FAM107B: variants seen among roughly 807,000 people sequenced by gnomAD.
FAM107B encodes the protein family with sequence similarity 107 member B.
A neutral mutation model predicts 31.5 loss-of-function variants in FAM107B; 21 were observed. The observed-to-expected ratio is 0.67, with a 90% CI of 0.47 to 0.96. The LOEUF is 0.96. FAM107B is among the 40% of genes least tolerant of loss of function. The probability of loss-of-function intolerance (pLI) is 0.00; values close to 1 mark genes in which losing one functional copy is unlikely to be tolerated. For missense variants in FAM107B, 452 were observed against 377.1 expected (o/e 1.20, Z -1.64); for synonymous variants, 157 against 141.5 (o/e 1.11, Z -0.78).
At chr10:14,691,699 C>T (rs1244632516) in intron 1 of FAM107B, among the ~76,000 whole-genome samples, 1 of 151,966 alleles carries the variant, frequency 6.6e-6, no homozygotes, top group East Asian at 1.9e-4. Flanking sequence ...TTTGAGACAG[C>T]CTGGCCAACA....
chr10:14,580,423 G>A (rs755771605), intron 2 of FAM107B, among the ~76,000 whole-genome samples: 1 of 151,952 alleles, frequency 6.6e-6, no homozygotes, highest in Non-Finnish European at 1.5e-5. Context: ...ACACACAAGG[G>A]CTAATATAAT....
intron 2 of FAM107B, among the ~76,000 whole-genome samples, chr10:14,592,005 C>CA (rs1413674191): frequency 6.6e-6 from 1 of 152,184 alleles, no homozygotes; most frequent in Non-Finnish European, 1.5e-5. Flanking sequence ...GCATAACCAT[C>CA]AAATGCATTG....
intron 2 of FAM107B, among the ~76,000 whole-genome samples, chr10:14,582,769 G>A (rs553334524): frequency 6.6e-6 from 1 of 152,150 alleles, no homozygotes; most frequent in South Asian, 2.1e-4. Context: ...CTATGAAGGA[G>A]GCACTATTAT....
chr10:14,595,414 AG>A (rs1283589275), intron 2 of FAM107B, among the ~76,000 whole-genome samples: 2 of 131,288 alleles, frequency 1.5e-5, no homozygotes, highest in Admixed American at 1.6e-4. Context: ...GCTTCTTCCT[AG>A]GGCAACCTTT....
At chr10:14,694,307 T>C (rs1253215763) in intron 1 of FAM107B, among the ~76,000 whole-genome samples, 1 of 152,246 alleles carries the variant, frequency 6.6e-6, no homozygotes, top group Non-Finnish European at 1.5e-5. Flanking sequence ...TCTTCCATAA[T>C]GGCTGCACCA....
At chr10:14,592,037 G>T (rs1270991302) in intron 2 of FAM107B, among the ~76,000 whole-genome samples, 3 of 152,192 alleles carry the variant, frequency 2.0e-5, no homozygotes, top group Admixed American at 1.3e-4. Context: ...TTCAAATCCT[G>T]GTCCTTAAGA....
chr10:14,624,237 T>C (rs561488327), intron 2 of FAM107B, among the ~76,000 whole-genome samples: 1 of 152,196 alleles, frequency 6.6e-6, no homozygotes, highest in East Asian at 1.9e-4. Context: ...AATAAAACCA[T>C]GAAAGCCATC....
At chr10:14,772,189 C>A (rs1833319515) in intron 1 of FAM107B, among the ~76,000 whole-genome samples, 1 of 151,944 alleles carries the variant, frequency 6.6e-6, no homozygotes, top group Non-Finnish European at 1.5e-5. Context: ...CCCATCTCTA[C>A]TGAAAATACA....
intron 3 of FAM107B, 24 bp downstream of exon 3, chr10:14,530,308 A>T (rs1846816011): frequency 6.3e-7 from 1 of 1,587,616 alleles, no homozygotes; most frequent in Non-Finnish European, 8.5e-7. Flanking sequence ...TTAAAAAAAA[A>T]ATATGCTCAA....
At chr10:14,681,713 G>A (rs12245043) in intron 1 of FAM107B, among the ~76,000 whole-genome samples, 5,177 of 152,238 alleles carry the variant, frequency 0.034, 286 homozygotes, top group African/African-American at 0.12. Context: ...ATGGAATGGG[G>A]AAGTCAGAGC....
intron 1 of FAM107B, among the ~76,000 whole-genome samples, chr10:14,773,074 TTTTTGCTG>T (rs1432650975): frequency 6.6e-6 from 1 of 152,046 alleles, no homozygotes; most frequent in East Asian, 1.9e-4. Flanking sequence ...AAAATTTTGG[TTTTTGCTG>T]GTTGGTTATG....
chr10:14,667,153 C>T (rs577539898), intron 2 of FAM107B, among the ~76,000 whole-genome samples: 10 of 152,250 alleles, frequency 6.6e-5, no homozygotes, highest in South Asian at 6.2e-4. Context: ...TAAATTCACT[C>T]GTCATTTATT....
chr10:14,710,431 T>TACACACAC (rs57418409), intron 1 of FAM107B, among the ~76,000 whole-genome samples: 14 of 146,420 alleles, frequency 9.6e-5, no homozygotes, highest in East Asian at 2.0e-4. Flanking sequence ...TCTCTAAAAA[T>TACACACAC]ACACACACAC....
chr10:14,761,813 G>A (rs1833053963), intron 1 of FAM107B, among the ~76,000 whole-genome samples: 1 of 152,024 alleles, frequency 6.6e-6, no homozygotes, highest in Admixed American at 6.6e-5. Flanking sequence ...TGGCCAGGCT[G>A]GTCTTGAACT....
At chr10:14,701,635 A>G (rs551850770) in intron 1 of FAM107B, among the ~76,000 whole-genome samples, 4 of 152,298 alleles carry the variant, frequency 2.6e-5, no homozygotes, top group African/African-American at 9.6e-5. Context: ...AGGAATGCCA[A>G]AGTCATCTCC....
At chr10:14,675,351 T>C (rs1341557033) in intron 1 of FAM107B, among the ~76,000 whole-genome samples, 2 of 152,188 alleles carry the variant, frequency 1.3e-5, no homozygotes, top group African/African-American at 2.4e-5. Flanking sequence ...GTCTGGTGGA[T>C]AGGTGTCTCT....
In FAM107B at chr10:14,528,707, AAGG is replaced by A. The variant is rs533921263; in HGVS notation, c.653+1622_653+1624del. ...CTCAGGTTAGTTGAGCTGGGCAAACAAGGAGAAGAACAGGCCAGACAAAGACAG... is the reference window on the plus strand; with the variant it reads ...CTCAGGTTAGTTGAGCTGGGCAAACAAGAAGAACAGGCCAGACAAAGACAG... On this transcript the variant is annotated intron_variant, in intron 3 of 4. Transcript: ENST00000181796. Among the ~76,000 whole-genome samples, 542 of 152,282 alleles carry A rather than the reference AAGG, an allele frequency of 3.6e-3. 1 individual carries two copies. Among genetic ancestry groups the A allele is most frequent in the Admixed American group, 6.6e-3 (101 of 15,292 alleles).
chr10:14,748,842 C>T (rs568467920), intron 1 of FAM107B, among the ~76,000 whole-genome samples: 4 of 152,178 alleles, frequency 2.6e-5, no homozygotes, highest in Non-Finnish European at 2.9e-5. Context: ...CAGCTTGTCA[C>T]CAAGATGTAG....
intron 2 of FAM107B, among the ~76,000 whole-genome samples, chr10:14,536,627 C>T (rs1249690945): frequency 6.6e-6 from 1 of 152,188 alleles, no homozygotes; most frequent in African/African-American, 2.4e-5. Context: ...GGCCCTAAGG[C>T]AAACCTAAAA....
Sources: allele counts gnomAD v4.1 joint callset (sites outside exome capture counted in the v4.1 genomes callset), GRCh38; gene constraint gnomAD v4.1.1; transcripts MANE v1.5; gene names NCBI Gene and HGNC (gene_info 2026-07-23, HGNC 2026-07-21).